Variants in IL1R1 observed in about 807,000 individuals in gnomAD.
IL1R1 encodes the protein interleukin 1 receptor type 1, also known as interleukin-1 receptor type 1.
IL1R1 carries 22 observed loss-of-function variants against 50.2 expected under a neutral mutation model. That is an observed-to-expected ratio of 0.44 (90% CI 0.31 to 0.63). IL1R1 has a LOEUF of 0.63. IL1R1 is among the 20% of genes least tolerant of loss of function. The pLI, the probability that IL1R1 is intolerant of heterozygous loss-of-function variation, is 0.07. For missense variants in IL1R1, 509 were observed against 676.2 expected (o/e 0.75, Z 2.74); for synonymous variants, 251 against 236.7 (o/e 1.06, Z -0.55).
chr2:102,134,208 G>T (rs1277509993), intron 1 of IL1R1, among the ~76,000 whole-genome samples: 30 of 152,130 alleles, frequency 2.0e-4, no homozygotes, highest in Admixed American at 1.7e-3. Flanking sequence ...CGGTGTTGAT[G>T]GCAGAGACTA....
At chr2:102,082,382 C>T (rs987278432) in intron 1 of IL1R1, among the ~76,000 whole-genome samples, 1 of 152,094 alleles carries the variant, frequency 6.6e-6, no homozygotes, top group African/African-American at 2.4e-5. Flanking sequence ...AAAGGATTAT[C>T]TTGTTTGTTC....
chr2:102,073,092 T>G (rs897064786), intron 1 of IL1R1, among the ~76,000 whole-genome samples: 1 of 152,204 alleles, frequency 6.6e-6, no homozygotes, highest in Non-Finnish European at 1.5e-5. Flanking sequence ...GGATCAACTA[T>G]TCGCAAAACT....
intron 8 of IL1R1, chr2:102,172,163 A>G (rs1021248824): frequency 1.8e-6 from 1 of 546,874 alleles, no homozygotes; most frequent in East Asian, 1.5e-4. Context: ...TACGTTATAC[A>G]TGTTGCAACA....
At chr2:102,086,608 C>A (rs1462590336) in intron 1 of IL1R1, among the ~76,000 whole-genome samples, 1 of 151,914 alleles carries the variant, frequency 6.6e-6, no homozygotes, top group African/African-American at 2.4e-5. Context: ...TTTCAACAGA[C>A]TTTTTTTCTT....
chr2:102,140,902 T>A (rs1682609836), upstream of IL1R1, among the ~76,000 whole-genome samples: 1 of 152,180 alleles, frequency 6.6e-6, no homozygotes, highest in Non-Finnish European at 1.5e-5. Flanking sequence ...CACCTGGGTC[T>A]AGAGGCCTGC....
rs188566327 is a variant in IL1R1 at position 102,125,295 on chromosome 2, A to G, written c.-84+20423A>G. On this transcript the variant is annotated intron_variant, in intron 1 of 10. Transcript: ENST00000409329. Reference sequence around the variant, plus strand: ...AGAATAATTCTTGTCTCAACAACAAACAAACAAACGAAACCAATAACGAAA... The same window carrying G: ...AGAATAATTCTTGTCTCAACAACAAGCAAACAAACGAAACCAATAACGAAA... Among the ~76,000 whole-genome samples, 4 of 152,336 alleles carry G rather than the reference A, an allele frequency of 2.6e-5. No individual in the cohort carries two copies. In the East Asian group the frequency reaches 7.7e-4, roughly 29 times the overall value.
At chr2:102,117,402 G>A (rs947171844) in intron 1 of IL1R1, among the ~76,000 whole-genome samples, 4 of 152,206 alleles carry the variant, frequency 2.6e-5, no homozygotes, top group African/African-American at 9.7e-5. Context: ...TCCCATCAGT[G>A]ATTTGGTGCT....
upstream of IL1R1, chr2:102,141,635 T>C (rs1196328925): frequency 1.3e-5 from 2 of 152,278 alleles, no homozygotes; most frequent in Non-Finnish European, 2.9e-5. Flanking sequence ...AGGCTCAGGT[T>C]ACCTCAATTC....
chr2:102,127,274 G>C lies in IL1R1; in HGVS notation c.-84+22402G>C, dbSNP rs148878348. ...CACATTCATGGACAGTGCATGGTGA[G>C]AGGAGGCAAAGATGGCAGAGACAAC... is the stretch of plus-strand genomic sequence containing the variant. On this transcript the variant is annotated intron_variant, in intron 1 of 10. Transcript: ENST00000409329. Among the ~76,000 whole-genome samples the C allele has an allele frequency of 1.8e-3, 274 of 152,330 alleles. 1 individual carries two copies. Among genetic ancestry groups the C allele is most frequent in the African/African-American group, 5.9e-3 (244 of 41,568 alleles).
intron 1 of IL1R1, among the ~76,000 whole-genome samples, chr2:102,105,638 A>G (rs1024328252): frequency 3.3e-5 from 5 of 152,286 alleles, no homozygotes; most frequent in African/African-American, 1.2e-4. Flanking sequence ...TGCTGGGATT[A>G]CAGGCATGAG....
intron 1 of IL1R1, chr2:102,070,632 C>T (rs1324971035): frequency 6.6e-6 from 1 of 152,144 alleles, no homozygotes; most frequent in Non-Finnish European, 1.5e-5. Context: ...CCATGGAATT[C>T]TTTCTGCTTC....
At position 102,162,504 on chromosome 2, in the gene IL1R1, T is replaced by C. The variant is rs149091123; in HGVS notation, c.62-2270T>C. On this transcript the variant is annotated intron_variant, in intron 3 of 11. Transcript: ENST00000410023. ...TTCTCTTTTTTTGCTGCCTTTTAGA[T>C]TAATTGGCATTTTTAGGATTCATTT... is the stretch of plus-strand genomic sequence containing the variant. 2.0e-3 allele frequency among the ~76,000 whole-genome samples: 308 copies of C among 152,306 alleles called. 1 individual carries two copies. Among genetic ancestry groups the C allele is most frequent in the Non-Finnish European group, 2.4e-3 (160 of 68,022 alleles).
chr2:102,168,555 A>T (rs201939068), intron 6 of IL1R1, 43 bp from the exon 7 acceptor site: 5 of 1,490,162 alleles, frequency 3.4e-6, no homozygotes, highest in Non-Finnish European at 4.7e-6. Flanking sequence ...TGAGATTCTG[A>T]TCTATAAGAG....
In IL1R1 at chr2:102,116,182, T is replaced by A. The variant is rs138653439; in HGVS notation, c.-84+11310T>A. The stretch of plus-strand genomic sequence containing the variant: ...CCCCAATGCATTGCTGCTTTCGACA[T>A]CTCTCCATTTCTCTAGCTTCTAACA... On this transcript the variant is annotated intron_variant, in intron 1 of 10. Transcript: ENST00000409329. 2.1e-3 allele frequency among the ~76,000 whole-genome samples: 313 copies of A among 152,328 alleles called. 1 individual carries two copies. The highest frequency in any genetic ancestry group is 2.5e-3 in the Non-Finnish European group (167 of 68,028).
intron 7 of IL1R1, 54 bp downstream of exon 7, chr2:102,168,717 T>C: frequency 8.4e-7 from 1 of 1,196,382 alleles, no homozygotes; most frequent in East Asian, 2.5e-5. Context: ...TTTTAAAACA[T>C]AAGAGTAAGA....
rs1157179744 is a variant in IL1R1, at chr2:102,090,063, T to G, written c.-84+19530T>G. Among the ~76,000 whole-genome samples the G allele has an allele frequency of 2.0e-5, 3 of 152,004 alleles. No individual in the cohort carries two copies. In the East Asian group the frequency reaches 5.8e-4, roughly 29 times the overall value. ...GTTAGCCAGGATGGTCTCGATCTCC[T>G]GACCTCATGATCCGCCTGCCTCAGC... On this transcript the variant is annotated intron_variant, in intron 1 of 11. Transcript: ENST00000409929.
intron 1 of IL1R1, among the ~76,000 whole-genome samples, chr2:102,118,359 C>T (rs1257631350): frequency 6.6e-6 from 1 of 152,206 alleles, no homozygotes; most frequent in Non-Finnish European, 1.5e-5. Flanking sequence ...ATCTCTTCAT[C>T]TGGCTGTCTT....
At chr2:102,074,523 C>T (rs1678879935) in intron 1 of IL1R1, among the ~76,000 whole-genome samples, 1 of 151,422 alleles carries the variant, frequency 6.6e-6, no homozygotes, top group Non-Finnish European at 1.5e-5. Context: ...GCTGTTCAAC[C>T]TTTGTGAGAT....
chr2:102,151,705 C>G (rs892106725), intron 1 of IL1R1, among the ~76,000 whole-genome samples: 1 of 152,252 alleles, frequency 6.6e-6, no homozygotes, highest in Non-Finnish European at 1.5e-5. Flanking sequence ...CTCGTCATGC[C>G]TGGCTTTGGA....
Sources: gnomAD v4.1 joint callset for allele counts (sites outside exome capture counted in the v4.1 genomes callset) on GRCh38, gnomAD v4.1.1 for gene constraint, MANE v1.5 for transcripts, NCBI Gene and HGNC (gene_info 2026-07-23, HGNC 2026-07-21) for gene names.